Variants in RNF125 observed in about 807,000 individuals in gnomAD.
The protein encoded by RNF125 is ring finger protein 125, also known as E3 ubiquitin-protein ligase RNF125.
RNF125 carries 21 observed loss-of-function variants against 26.0 expected under a neutral mutation model. That is an observed-to-expected ratio of 0.81 (90% CI 0.57 to 1.16). RNF125 has a LOEUF of 1.16. Among genes scored for constraint, RNF125 ranks in the 50% most tolerant of loss-of-function variants. The pLI, the probability that RNF125 is intolerant of heterozygous loss-of-function variation, is 0.00. For synonymous variants in RNF125, 95 were observed against 109.2 expected (o/e 0.87, Z 0.81); for missense variants, 270 against 299.4 (o/e 0.90, Z 0.72).
chr18:32,037,038 T>A, intron 1 of RNF125, 78 bp from the exon 2 acceptor site: 1 of 1,345,970 alleles, frequency 7.4e-7, no homozygotes, highest in Non-Finnish European at 1.0e-6. Flanking sequence ...TAAATTACAG[T>A]TTACACAAAT....
At chr18:32,060,558 A>G (rs549861077) in intron 4 of RNF125, among the ~76,000 whole-genome samples, 2 of 152,322 alleles carry the variant, frequency 1.3e-5, no homozygotes, top group African/African-American at 4.8e-5. Context: ...CTCTTAATAT[A>G]AGTAGTATAG....
chr18:32,039,401 AAG>A (rs1235631714), intron 2 of RNF125, among the ~76,000 whole-genome samples: 1 of 152,062 alleles, frequency 6.6e-6, no homozygotes, highest in Non-Finnish European at 1.5e-5. Context: ...CTCAACAAAA[AAG>A]AGGAGCTGGG....
rs1023933647 is a variant in RNF125, at chr18:32,063,416, C to T, written c.505-2486C>T. Among the ~76,000 whole-genome samples, 9 of 151,878 alleles carry T rather than the reference C, an allele frequency of 5.9e-5. No individual in the cohort carries two copies. The East Asian group carries it at 1.7e-3, about 29-fold the overall frequency. On this transcript the variant is annotated intron_variant, in intron 4 of 5. Transcript: ENST00000217740. Reference sequence around the variant, plus strand: ...AATGGCTCAAATAAAAAAATTTGGACAATACCAAATGTTGGGGAAAATAAA... The same window carrying T: ...AATGGCTCAAATAAAAAAATTTGGATAATACCAAATGTTGGGGAAAATAAA...
the RNF125 span, among the ~76,000 whole-genome samples, chr18:32,087,637 C>T: frequency 1.3e-5 from 2 of 152,086 alleles, no homozygotes; most frequent in East Asian, 1.9e-4. Flanking sequence ...GTTTTCCCTA[C>T]ACAATTGGTT....
At chr18:32,028,297 TAAAAA>T (rs1156859954) in intron 1 of RNF125, among the ~76,000 whole-genome samples, 2 of 72,380 alleles carry the variant, frequency 2.8e-5, no homozygotes, top group African/African-American at 5.8e-5. Context: ...GACTCCGTCT[TAAAAA>T]AAAAAAAAAA....
intron 4 of RNF125, among the ~76,000 whole-genome samples, chr18:32,052,528 T>C (rs2144495918): frequency 6.6e-6 from 1 of 151,900 alleles, no homozygotes; most frequent in East Asian, 1.9e-4. Context: ...TGCAGTCTTG[T>C]ACCTTGATTT....
At chr18:32,064,947 A>G (rs78426374) in intron 4 of RNF125, among the ~76,000 whole-genome samples, 4,406 of 152,298 alleles carry the variant, frequency 0.029, 203 homozygotes, top group African/African-American at 0.1. Flanking sequence ...CCATATACAA[A>G]CAAGTATTCC....
At chr18:32,064,396 C>CTTTTTTTTTTTTTTT (rs775086863) in intron 4 of RNF125, among the ~76,000 whole-genome samples, 15 of 86,860 alleles carry the variant, frequency 1.7e-4, no homozygotes, top group African/African-American at 3.2e-4. Flanking sequence ...TTTTCTTTTT[C>CTTTTTTTTTTTTTTT]TTTTTTTTTT....
chr18:32,057,388 G>A (rs1434128909), intron 4 of RNF125, among the ~76,000 whole-genome samples: 1 of 150,366 alleles, frequency 6.7e-6, no homozygotes, highest in Non-Finnish European at 1.5e-5. Context: ...AGGCTGGAGT[G>A]TAGTGGCGCG....
chr18:32,023,261 T>C (rs2039002373), intron 1 of RNF125, among the ~76,000 whole-genome samples: 1 of 152,170 alleles, frequency 6.6e-6, no homozygotes, highest in African/African-American at 2.4e-5. Flanking sequence ...CAAGTGACTG[T>C]CCCGCCTCAG....
At chr18:32,053,375 A>C (rs1178318161) in intron 4 of RNF125, among the ~76,000 whole-genome samples, 1 of 151,966 alleles carries the variant, frequency 6.6e-6, no homozygotes, top group Non-Finnish European at 1.5e-5. Flanking sequence ...ACAAAAAAAA[A>C]AAGAAAGAAC....
rs182651281 is a variant in RNF125 at position 32,030,683 on chromosome 18, G to A, written c.165-6433G>A. 2.4e-4 allele frequency among the ~76,000 whole-genome samples: 37 copies of A among 152,202 alleles called. 1 individual carries two copies. The East Asian group carries it at 6.6e-3, about 27-fold the overall frequency. ...ACTAGTTCACGCCATGATGGGAATG[G>A]GTATTTATCAAATACTACAGACTGG... On this transcript the variant is annotated intron_variant, in intron 1 of 5. Transcript: ENST00000217740.
chr18:32,055,176 G>C (rs1265417444), intron 4 of RNF125, among the ~76,000 whole-genome samples: 1 of 151,752 alleles, frequency 6.6e-6, no homozygotes, highest in Non-Finnish European at 1.5e-5. Context: ...GTGCACGCCT[G>C]TAATCCCAGC....
At chr18:32,044,019 C>G (rs190230322) in intron 3 of RNF125, among the ~76,000 whole-genome samples, 2,141 of 148,428 alleles carry the variant, frequency 0.014, 25 homozygotes, top group Non-Finnish European at 0.022. Context: ...CTTTTCTTTT[C>G]TTTTTGAGAT....
Position 32,073,009 on chromosome 18 carries a change from T to C in RNF125, c.*4625T>C, listed in dbSNP as rs2039545841. On this transcript the variant is annotated 3_prime_UTR_variant, in exon 6 of 6. Transcript: ENST00000217740. The stretch of plus-strand genomic sequence containing the variant: ...CAGTTATTGAATGTTTATCATATCA[T>C]AATTTGCATTTTTCCAACATTGAAG... The C allele has an allele frequency of 6.6e-6, 1 of 152,054 alleles. No individual in the cohort carries two copies. Among genetic ancestry groups the C allele is most frequent in the Non-Finnish European group, 1.5e-5 (1 of 68,034 alleles). 9.4% of individuals were successfully genotyped at this position (152,054 alleles called of 1,614,324 possible). A position where few individuals can be genotyped will look rare whatever the true frequency, so the allele number is the denominator to read the frequency against.
At chr18:32,030,143 A>G (rs1397388564) in intron 1 of RNF125, among the ~76,000 whole-genome samples, 1 of 152,166 alleles carries the variant, frequency 6.6e-6, no homozygotes, top group Non-Finnish European at 1.5e-5. Flanking sequence ...CTCCTGGTTC[A>G]AGCGATTCTC....
At chr18:32,021,761 T>C (rs1377208231) in intron 1 of RNF125, among the ~76,000 whole-genome samples, 1 of 152,240 alleles carries the variant, frequency 6.6e-6, no homozygotes, top group African/African-American at 2.4e-5. Flanking sequence ...ATTTACAATA[T>C]TTTTCCTTCT....
At chr18:32,050,854 G>GTCT (rs1187174224) in intron 4 of RNF125, among the ~76,000 whole-genome samples, 4,451 of 136,116 alleles carry the variant, frequency 0.033, 304 homozygotes, top group African/African-American at 0.12. Context: ...CTAGTCTCTC[G>GTCT]GTCTAGAGTG....
intron 1 of RNF125, among the ~76,000 whole-genome samples, chr18:32,021,655 G>C (rs965595617): frequency 1.3e-5 from 2 of 152,112 alleles, no homozygotes; most frequent in Non-Finnish European, 2.9e-5. Context: ...AACAGTGGGC[G>C]TTTTGAAGAT....
Sources: gnomAD v4.1 joint callset for allele counts (sites outside exome capture counted in the v4.1 genomes callset) on GRCh38, gnomAD v4.1.1 for gene constraint, MANE v1.5 for transcripts, NCBI Gene and HGNC (gene_info 2026-07-23, HGNC 2026-07-21) for gene names.